The following ZNF292 variants were observed in gnomAD, a reference collection of about 807,000 sequenced individuals.
The protein encoded by ZNF292 is 16 zinc-finger domain protein.
A neutral mutation model predicts 217.9 loss-of-function variants in ZNF292; 26 were observed. The ratio of observed to expected loss-of-function variants is 0.12; its 90% CI spans 0.09 to 0.17. ZNF292 has a LOEUF of 0.17. Among genes scored for constraint, ZNF292 ranks in the 10% least tolerant of loss-of-function variants. The pLI is 1.00. For synonymous variants in ZNF292, 1,257 were observed against 1,124.1 expected, an observed-to-expected ratio of 1.12 and a Z score of -2.37; for missense variants, 2,904 against 3,175.2, an observed-to-expected ratio of 0.91 and a Z score of 2.05.
chr6:87,191,962 C>G (rs184089588), intron 1 of ZNF292, among the ~76,000 whole-genome samples: 7 of 152,200 alleles, frequency 4.6e-5, no homozygotes, highest in African/African-American at 1.4e-4. Flanking sequence ...ATGCCTGGCA[C>G]TTTTAATCTT....
In ZNF292 at chr6:87,260,095, G is replaced by T; in HGVS notation, c.6466G>T (p.Ala2156Ser). Residue 2156 changes from alanine (A) to serine (S), a missense_variant, in exon 8 of 8, where the codon GCT becomes TCT. Coordinates refer to ENST00000369577, the MANE Select transcript of ZNF292 (RefSeq NM_015021.3). ...AGCAGAGGTCGAAGAGGAAAGTGAA[G>T]CTGGTAAAGAAAGTGAAGAAACTGA... ...FSAEVEEESE[A>S]GKESEETETK... 6.2e-7 allele frequency: 1 copy of T among 1,613,558 alleles called. No individual in the cohort carries two copies. Among genetic ancestry groups the T allele is most frequent in the Non-Finnish European group, 8.5e-7 (1 of 1,179,632 alleles).
intron 4 of ZNF292, 33 bp from the exon 5 acceptor site, chr6:87,233,292 T>A: frequency 6.8e-7 from 1 of 1,463,022 alleles, no homozygotes. Context: ...TATTACCAAA[T>A]GTTAATAATC....
At chr6:87,170,864 A>G (rs1031576938) in intron 1 of ZNF292, among the ~76,000 whole-genome samples, 6 of 152,088 alleles carry the variant, frequency 3.9e-5, no homozygotes, top group African/African-American at 1.4e-4. Flanking sequence ...TTATCCTTCA[A>G]ATGGGGACCT....
chr6:87,259,418 C>A lies in ZNF292; in HGVS notation c.5789C>A (p.Thr1930Asn). ...FKHYGKIHQYTPEMILEIKKN... is the reference protein window; with the variant it reads ...FKHYGKIHQYNPEMILEIKKN... ...CACTATGGTAAAATTCATCAATACACTCCAGAAATGATTCTTGAAATTAAG... is the reference window on the plus strand; with the variant it reads ...CACTATGGTAAAATTCATCAATACAATCCAGAAATGATTCTTGAAATTAAG... The change falls in exon 8 of 8, where the codon ACT becomes AAT. Residue 1930 changes from threonine (T) to asparagine (N), a missense_variant. Around this residue, in one of 15 missense-constraint regions of ZNF292, gnomAD observed 50 missense variants for 90.5 expected, o/e 0.55. Coordinates refer to ENST00000369577, the MANE Select transcript of ZNF292 (RefSeq NM_015021.3). 4 of 1,601,522 alleles carry A rather than the reference C, an allele frequency of 2.5e-6. No individual in the cohort carries two copies. The highest frequency in any genetic ancestry group is 3.4e-6 in the Non-Finnish European group (4 of 1,173,148).
rs758180595 is a variant in ZNF292, at chr6:87,260,841, T to C, written c.7212T>C (p.Ile2404=). The change falls in exon 8 of 8, where the codon ATT becomes ATC. Residue 2404 remains isoleucine, a synonymous_variant. Coordinates refer to ENST00000369577, the MANE Select transcript of ZNF292 (RefSeq NM_015021.3). The stretch of plus-strand genomic sequence containing the variant: ...TTGTTACAAGTGAAAGCAATATAAT[T>C]AGACATTATAAGTGCCATAAATTAT... ...TSVVTSESNI[I]RHYKCHKLSK... 1.9e-6 allele frequency: 3 copies of C among 1,611,568 alleles called. No homozygotes were observed. Among genetic ancestry groups the C allele is most frequent in the South Asian group, 2.2e-5 (2 of 90,782 alleles).
chr6:87,260,964 G>GT lies in ZNF292; in HGVS notation c.7335_7336insT (p.Asn2446Ter). On this transcript the variant is annotated frameshift_variant, in exon 8 of 8. Coordinates refer to ENST00000369577, the MANE Select transcript of ZNF292 (RefSeq NM_015021.3). LOFTEE classifies it high-confidence loss of function. Reference sequence around the variant, plus strand: ...AAACGTCTGAGCAAGAAGGTGCTAAGAATGATGTGAAAGATTCTGACACGT... The same window carrying GT: ...AAACGTCTGAGCAAGAAGGTGCTAAGTAATGATGTGAAAGATTCTGACACGT... The GT allele has an allele frequency of 6.2e-7, 1 of 1,609,656 alleles. No homozygotes were observed. The highest frequency in any genetic ancestry group is 8.5e-7 in the Non-Finnish European group (1 of 1,177,720).
Position 87,243,609 on chromosome 6 carries a change from T to C in ZNF292, c.876T>C (p.Ala292=). 7.5e-6 allele frequency: 11 copies of C among 1,469,548 alleles called. No individual in the cohort carries two copies. The highest frequency in any genetic ancestry group is 9.9e-6 in the Non-Finnish European group (11 of 1,111,124). The allele number at this position is 1,469,548 out of a possible 1,614,324, so 91.0% of individuals were successfully genotyped here. A position where few individuals can be genotyped will look rare whatever the true frequency, so the allele number is the denominator to read the frequency against. The change falls in exon 6 of 8, where the codon GCT becomes GCC. Residue 292 remains alanine (A), a splice_region_variant and synonymous_variant. Transcript: ENST00000369577. ...RQLQQGDMYC[A]WELTLFWSKL... is the part of the protein sequence containing the mutation. ...TCCAACAAGGAGATATGTACTGCGC[T>C]TGGTGAGTTGATCTTTTTTTTTTTA...
intron 1 of ZNF292, among the ~76,000 whole-genome samples, chr6:87,206,563 A>G (rs1371972920): frequency 6.6e-6 from 1 of 152,200 alleles, no homozygotes; most frequent in Non-Finnish European, 1.5e-5. Flanking sequence ...CTGTATACTC[A>G]CAACACAATC....
chr6:87,238,649 T>C (rs1440268611), intron 5 of ZNF292, among the ~76,000 whole-genome samples: 1 of 148,236 alleles, frequency 6.7e-6, no homozygotes, highest in Non-Finnish European at 1.5e-5. Flanking sequence ...ATTTTTTTTA[T>C]TTTTTTATTT....
intron 7 of ZNF292, among the ~76,000 whole-genome samples, chr6:87,248,456 A>G (rs989874220): frequency 1.3e-5 from 2 of 152,180 alleles, no homozygotes; most frequent in African/African-American, 4.8e-5. Context: ...GTTAAAAAAT[A>G]AAGTAGCTGG....
At chr6:87,252,495 T>C (rs1382141092) in intron 7 of ZNF292, among the ~76,000 whole-genome samples, 1 of 152,222 alleles carries the variant, frequency 6.6e-6, no homozygotes, top group Non-Finnish European at 1.5e-5. Flanking sequence ...ATTTCCTGAA[T>C]TTCTGAATAA....
intron 7 of ZNF292, among the ~76,000 whole-genome samples, chr6:87,247,665 A>G (rs931381657): frequency 6.6e-6 from 1 of 152,228 alleles, no homozygotes; most frequent in Non-Finnish European, 1.5e-5. Flanking sequence ...CTGCTTTAAC[A>G]TGAGTTCACC....
chr6:87,164,690 T>A (rs1475101622), intron 1 of ZNF292, among the ~76,000 whole-genome samples: 2 of 152,082 alleles, frequency 1.3e-5, no homozygotes, highest in Non-Finnish European at 2.9e-5. Flanking sequence ...TGCTTTCTGA[T>A]CTCAATCTCT....
chr6:87,196,045 AAG>A (rs1491364904), intron 1 of ZNF292, among the ~76,000 whole-genome samples: 3 of 151,954 alleles, frequency 2.0e-5, no homozygotes, highest in African/African-American at 7.2e-5. Context: ...AAAAAACAAA[AAG>A]AAAAAAAAAT....
intron 1 of ZNF292, among the ~76,000 whole-genome samples, chr6:87,199,938 G>T (rs73483749): frequency 0.091 from 13,838 of 152,132 alleles, 1,106 homozygotes; most frequent in African/African-American, 0.22. Context: ...AGGATGTATT[G>T]TGTGTGCCAA....
At position 87,261,127 on chromosome 6, in the gene ZNF292, G is replaced by T. The variant is rs915267492; in HGVS notation, c.7498G>T (p.Val2500Leu). The change falls in exon 8 of 8, where the codon GTA becomes TTA. Residue 2500 changes from valine to leucine, a missense_variant. Coordinates refer to ENST00000369577, the MANE Select transcript of ZNF292 (RefSeq NM_015021.3). ...TKLINEDSTS[V>L]ETQANTSSNV... ...ATTAATAAATGAAGATAGCACAAGT[G>T]TAGAGACCCAAGCTAATACTTCTTC... is the stretch of plus-strand genomic sequence containing the variant. The T allele has an allele frequency of 6.8e-6, 11 of 1,612,728 alleles. No individual in the cohort carries two copies. Among genetic ancestry groups the T allele is most frequent in the African/African-American group, 4.0e-5 (3 of 74,886 alleles).
intron 1 of ZNF292, among the ~76,000 whole-genome samples, chr6:87,166,220 T>C (rs1479017639): frequency 6.6e-6 from 1 of 152,260 alleles, no homozygotes; most frequent in Non-Finnish European, 1.5e-5. Context: ...TTTATTATTC[T>C]ACAGGAACTT....
At chr6:87,230,625 T>G (rs1004691257) in intron 4 of ZNF292, among the ~76,000 whole-genome samples, 3 of 151,862 alleles carry the variant, frequency 2.0e-5, no homozygotes, top group Admixed American at 1.3e-4. Context: ...TCCCAGCTAC[T>G]TGGGAGGCTG....
In ZNF292 at chr6:87,155,596, C is replaced by T; in HGVS notation, c.5C>T (p.Ala2Val). The T allele has an allele frequency of 1.3e-6, 2 of 1,578,490 alleles. No homozygotes were observed. Among genetic ancestry groups the T allele is most frequent in the South Asian group, 1.2e-5 (1 of 86,094 alleles). M[A>V]DEEAEQERLS... is the part of the protein sequence containing the mutation. Reference sequence around the variant, plus strand: ...GCGACGGAGCGGGGTGTGAAGATGGCGGACGAAGAGGCCGAGCAGGAGAGG... The same window carrying T: ...GCGACGGAGCGGGGTGTGAAGATGGTGGACGAAGAGGCCGAGCAGGAGAGG... The change falls in exon 1 of 8, where the codon GCG (alanine) becomes GTG (valine). Residue 2 changes from alanine (A) to valine (V), a missense_variant. Coordinates refer to ENST00000369577, the MANE Select transcript of ZNF292 (RefSeq NM_015021.3).
Sources: allele counts gnomAD v4.1 joint callset (sites outside exome capture counted in the v4.1 genomes callset), GRCh38; gene constraint gnomAD v4.1.1; regional missense constraint gnomAD v4.1.1; transcripts MANE v1.5; gene names NCBI Gene and HGNC (gene_info 2026-07-23, HGNC 2026-07-21).